PRKG1: variants seen among roughly 807,000 people sequenced by gnomAD.
The protein encoded by PRKG1 is cGMP-dependent protein kinase 1.
A neutral mutation model predicts 88.1 loss-of-function variants in PRKG1; 35 were observed. The ratio of observed to expected loss-of-function variants is 0.40; its 90% CI spans 0.30 to 0.53. PRKG1 has a LOEUF of 0.53. Among genes scored for constraint, PRKG1 ranks in the 20% least tolerant of loss-of-function variants. The pLI is 0.59. For synonymous variants in PRKG1, 303 were observed against 292.5 expected, an observed-to-expected ratio of 1.04 and a Z score of -0.37; for missense variants, 540 against 839.8, an observed-to-expected ratio of 0.64 and a Z score of 4.41.
At chr10:52,065,429 G>A (rs903565468) in intron 7 of PRKG1, among the ~76,000 whole-genome samples, 7 of 151,992 alleles carry the variant, frequency 4.6e-5, no homozygotes, top group South Asian at 2.1e-4. Context: ...ATTACATTAT[G>A]AGCCTTTTTC....
intron 5 of PRKG1, among the ~76,000 whole-genome samples, chr10:52,023,803 T>A (rs1410002774): frequency 6.6e-6 from 1 of 152,246 alleles, no homozygotes; most frequent in Non-Finnish European, 1.5e-5. Flanking sequence ...TTGTAGATTC[T>A]GGATATTAGC....
intron 4 of PRKG1, among the ~76,000 whole-genome samples, chr10:51,899,215 T>C (rs539184889): frequency 6.6e-6 from 1 of 152,316 alleles, no homozygotes; most frequent in South Asian, 2.1e-4. Context: ...TTAGGTTGGT[T>C]ATATCTGTTA....
chr10:51,351,701 C>G (rs1009502623), intron 2 of PRKG1, among the ~76,000 whole-genome samples: 1 of 151,998 alleles, frequency 6.6e-6, no homozygotes, highest in Non-Finnish European at 1.5e-5. Flanking sequence ...GTTGTCTGTT[C>G]TCTCTGATGA....
intron 3 of PRKG1, among the ~76,000 whole-genome samples, chr10:51,599,729 C>A (rs147187779): frequency 6.6e-5 from 10 of 152,084 alleles, no homozygotes; most frequent in Admixed American, 5.9e-4. Flanking sequence ...TATAACCTTC[C>A]GGCTATTTTA....
chr10:51,002,325 C>T (rs1842898550), intron 1 of PRKG1, among the ~76,000 whole-genome samples: 5 of 152,038 alleles, frequency 3.3e-5, no homozygotes, highest in South Asian at 4.1e-4. Flanking sequence ...GCTTGATCTC[C>T]TTGATAATTC....
At chr10:52,101,162 C>A (rs1847284606) in intron 7 of PRKG1, among the ~76,000 whole-genome samples, 1 of 152,068 alleles carries the variant, frequency 6.6e-6, no homozygotes, top group South Asian at 2.1e-4. Flanking sequence ...GAAAAAAAAT[C>A]TGAAAATATG....
chr10:51,104,374 T>C (rs1180172797), intron 1 of PRKG1, among the ~76,000 whole-genome samples: 3 of 152,160 alleles, frequency 2.0e-5, no homozygotes, highest in Non-Finnish European at 4.4e-5. Flanking sequence ...AAAACCCAAA[T>C]TAAACTGTAT....
At chr10:51,318,334 T>C (rs1206544205) in intron 2 of PRKG1, among the ~76,000 whole-genome samples, 1 of 152,226 alleles carries the variant, frequency 6.6e-6, no homozygotes, top group Non-Finnish European at 1.5e-5. Flanking sequence ...ATGAGGATGA[T>C]AAATGTGCCT....
chr10:52,030,975 C>T (rs930007459), intron 5 of PRKG1, among the ~76,000 whole-genome samples: 5 of 151,970 alleles, frequency 3.3e-5, no homozygotes, highest in African/African-American at 1.2e-4. Flanking sequence ...TCTATTTTTA[C>T]ATGTGTTTAT....
At chr10:51,171,568 C>A (rs545874672) in intron 2 of PRKG1, among the ~76,000 whole-genome samples, 1 of 152,198 alleles carries the variant, frequency 6.6e-6, no homozygotes, top group East Asian at 1.9e-4. Flanking sequence ...AATGACAGGG[C>A]AGATAGCTTC....
intron 4 of PRKG1, among the ~76,000 whole-genome samples, chr10:51,842,592 G>T (rs754924263): frequency 8.5e-5 from 13 of 152,144 alleles, no homozygotes; most frequent in Non-Finnish European, 1.5e-5. Context: ...AAAGGACCAT[G>T]CTTTTCATGT....
At chr10:51,029,091 A>G (rs1016352018) in intron 1 of PRKG1, among the ~76,000 whole-genome samples, 4 of 152,170 alleles carry the variant, frequency 2.6e-5, no homozygotes, top group Admixed American at 2.0e-4. Context: ...TTGGTGTCAG[A>G]TATTAAATTT....
chr10:51,335,514 A>G (rs1009922750), intron 2 of PRKG1, among the ~76,000 whole-genome samples: 4 of 151,908 alleles, frequency 2.6e-5, no homozygotes, highest in Non-Finnish European at 4.4e-5. Flanking sequence ...ATTTAGGTAC[A>G]CTTTTAAATT....
At chr10:51,869,440 A>G (rs1413716553) in intron 4 of PRKG1, among the ~76,000 whole-genome samples, 2 of 152,100 alleles carry the variant, frequency 1.3e-5, no homozygotes, top group Admixed American at 6.5e-5. Context: ...TAGCTAGAAA[A>G]CAATCAGCAT....
chr10:51,063,818 G>A (rs1256375039), intron 1 of PRKG1, among the ~76,000 whole-genome samples: 1 of 152,076 alleles, frequency 6.6e-6, no homozygotes, highest in Admixed American at 6.5e-5. Context: ...AAGACACACG[G>A]TGCTCAATAT....
intron 12 of PRKG1, among the ~76,000 whole-genome samples, chr10:52,272,734 A>C (rs1841764815): frequency 6.6e-6 from 1 of 151,986 alleles, no homozygotes; most frequent in Non-Finnish European, 1.5e-5. Flanking sequence ...AAATATATAC[A>C]TGGCCTTAGT....
At chr10:51,071,874 A>C (rs1843830902), upstream of PRKG1, among the ~76,000 whole-genome samples, 1 of 152,140 alleles carries the variant, frequency 6.6e-6, no homozygotes, top group South Asian at 2.1e-4. Flanking sequence ...TCAATGAAAA[A>C]CGTATTTAAA....
chr10:52,217,617 G>A lies in PRKG1; in HGVS notation c.1077-33953G>A, dbSNP rs16927986. ...ACCCAGGTTTACAGTTACTCAAATAGCAAGGATTAAACAATATACAATGGG... is the reference window on the plus strand; with the variant it reads ...ACCCAGGTTTACAGTTACTCAAATAACAAGGATTAAACAATATACAATGGG... On this transcript the variant is annotated intron_variant, in intron 9 of 17. Transcript: ENST00000373980. Among the ~76,000 whole-genome samples, 4,668 of 152,186 alleles carry A rather than the reference G, an allele frequency of 0.031. 432 individuals are homozygous for A. In the East Asian group the frequency reaches 0.38, roughly 12 times the overall value.
chr10:51,113,910 CA>C (rs1845039755), intron 1 of PRKG1, among the ~76,000 whole-genome samples: 1 of 149,826 alleles, frequency 6.7e-6, no homozygotes, highest in South Asian at 2.1e-4. Flanking sequence ...GGGGGATTTC[CA>C]GGGGAGCACT....
Sources: gnomAD v4.1 joint callset for allele counts (sites outside exome capture counted in the v4.1 genomes callset) on GRCh38, gnomAD v4.1.1 for gene constraint, MANE v1.5 for transcripts, NCBI Gene and HGNC (gene_info 2026-07-23, HGNC 2026-07-21) for gene names.